Variants in PKHD1 observed in about 807,000 individuals in gnomAD.
PKHD1 encodes the protein fibrocystin.
In PKHD1, 291 loss-of-function variants were observed where a neutral mutation model predicts 412.0. That is an observed-to-expected ratio of 0.71 (90% CI 0.64 to 0.78). PKHD1 has a LOEUF of 0.78. Ranked by LOEUF, PKHD1 falls within the 30% of genes least tolerant of loss-of-function variation. PKHD1 has a pLI of 0.00. For synonymous variants in PKHD1, 1,777 were observed against 1,821.5 expected, an observed-to-expected ratio of 0.98 and a Z score of 0.62; for missense variants, 4,825 against 4,950.7, an observed-to-expected ratio of 0.97 and a Z score of 0.76.
chr6:52,031,802 T>C (rs1473954422), intron 29 of PKHD1, among the ~76,000 whole-genome samples: 6 of 152,238 alleles, frequency 3.9e-5, no homozygotes, highest in Non-Finnish European at 7.3e-5. Context: ...CATGCTCCTT[T>C]TTATTCTGCT....
intron 26 of PKHD1, 107 bp downstream of exon 26, chr6:52,043,518 T>TG: frequency 1.3e-6 from 1 of 797,406 alleles, no homozygotes; most frequent in Non-Finnish European, 2.2e-6. Flanking sequence ...CTCTGCCTAA[T>TG]GAACTAATTT....
rs886061593 is a variant in PKHD1, at chr6:51,615,812, G to T, written c.*3269C>A. 6.6e-6 allele frequency: 1 copy of T among 152,152 alleles called. No individual in the cohort carries two copies. Among genetic ancestry groups the T allele is most frequent in the Non-Finnish European group, 1.5e-5 (1 of 68,046 alleles). The allele number at this position is 152,152 out of a possible 1,614,324, so 9.4% of individuals were successfully genotyped here. On this transcript the variant is annotated 3_prime_UTR_variant, in exon 67 of 67. Coordinates refer to ENST00000371117, the MANE Select transcript of PKHD1 (RefSeq NM_138694.4). Reference sequence around the variant, plus strand: ...GCTCAACTGTTCTTGGTCCTTGGTGGCCTCACTGGGCAGTAACAAGGGCAA... The same window carrying T: ...GCTCAACTGTTCTTGGTCCTTGGTGTCCTCACTGGGCAGTAACAAGGGCAA...
At chr6:52,069,577 G>A (rs779981993) in intron 10 of PKHD1, 50 bp from the exon 11 acceptor site, 44 of 1,448,114 alleles carry the variant, frequency 3.0e-5, no homozygotes, top group Non-Finnish European at 8.7e-6. Context: ...AACTGGGATT[G>A]CATTTTTTTT....
chr6:51,906,166 C>T, intron 41 of PKHD1, 49 bp downstream of exon 41: 6 of 1,541,380 alleles, frequency 3.9e-6, no homozygotes, highest in Non-Finnish European at 5.4e-6. Flanking sequence ...TTGTGAAAAA[C>T]TGTGTCCTAC....
At chr6:51,631,656 TG>T (rs1167297079) in intron 65 of PKHD1, among the ~76,000 whole-genome samples, 1 of 152,078 alleles carries the variant, frequency 6.6e-6, no homozygotes, top group African/African-American at 2.4e-5. Flanking sequence ...GGTCTAGGGT[TG>T]GGGGAATGGG....
intron 28 of PKHD1, 26 bp downstream of exon 28, chr6:52,035,561 GAGAA>G: frequency 6.2e-7 from 1 of 1,606,670 alleles, no homozygotes; most frequent in Non-Finnish European, 8.5e-7. Flanking sequence ...CTCACCCAGA[GAGAA>G]AGAGATATGA....
intron 46 of PKHD1, 35 bp from the exon 47 acceptor site, chr6:51,870,674 T>A (rs763906524): frequency 1.3e-6 from 2 of 1,549,974 alleles, no homozygotes; most frequent in East Asian, 4.5e-5. Context: ...GAAAGCAAAA[T>A]AAGAAAACTG....
intron 48 of PKHD1, among the ~76,000 whole-genome samples, chr6:51,865,459 C>A (rs188060891): frequency 4.9e-4 from 74 of 152,230 alleles, no homozygotes; most frequent in African/African-American, 1.7e-3. Flanking sequence ...CAGAAGGTTG[C>A]CAATGTCAAA....
At chr6:51,959,263 A>T (rs1235638286) in intron 36 of PKHD1, among the ~76,000 whole-genome samples, 1 of 152,122 alleles carries the variant, frequency 6.6e-6, no homozygotes, top group East Asian at 1.9e-4. Context: ...GTAGGCCATG[A>T]TTTTTATTCT....
intron 37 of PKHD1, 40 bp downstream of exon 37, chr6:51,934,070 C>T: frequency 6.8e-7 from 1 of 1,467,136 alleles, no homozygotes; most frequent in East Asian, 2.3e-5. Context: ...CTGCTAGACA[C>T]AGCTCTACTT....
rs1802092929 is a variant in PKHD1 at position 52,025,926 on chromosome 6, T to A, written c.3884A>T (p.Tyr1295Phe). 1 of 1,614,164 alleles carries A rather than the reference T, an allele frequency of 6.2e-7. No homozygotes were observed. Among genetic ancestry groups the A allele is most frequent in the Non-Finnish European group, 8.5e-7 (1 of 1,180,046 alleles). The change falls in exon 32 of 67, where the codon TAT becomes TTT. Residue 1295 changes from tyrosine (Y) to phenylalanine (F), a missense_variant. By Grantham distance (22) the Tyr-to-Phe change is conservative (BLOSUM62 3). Coordinates refer to ENST00000371117, the MANE Select transcript of PKHD1 (RefSeq NM_138694.4). ...SLVGKGFTFM[Y>F]EAAATPVVTA... ...GACTACTGGTGTTGCTGCCGCTTCA[T>A]ACATGAAGGTGAAGCCTTTCCCCAC...
chr6:52,028,292 C>T lies in PKHD1; in HGVS notation c.3424G>A (p.Glu1142Lys), dbSNP rs1335835063. 2 of 1,614,116 alleles carry T rather than the reference C, an allele frequency of 1.2e-6. No individual in the cohort carries two copies. The highest frequency in any genetic ancestry group is 1.7e-6 in the Non-Finnish European group (2 of 1,180,010). The change falls in exon 30 of 67, where the codon GAA becomes AAA. Residue 1142 changes from glutamate (E) to lysine (K), a missense_variant. By Grantham distance (56) the Glu-to-Lys change is moderately conservative (BLOSUM62 1). Coordinates refer to ENST00000371117, the MANE Select transcript of PKHD1 (RefSeq NM_138694.4). ...RLMNYTDLDVEVHVQDALAPV... is the reference protein window; with the variant it reads ...RLMNYTDLDVKVHVQDALAPV... Reference sequence around the variant, plus strand: ...GCCAAGGCATCCTGGACGTGGACTTCCACATCCAAATCCGTATAGTTCATC... The same window carrying T: ...GCCAAGGCATCCTGGACGTGGACTTTCACATCCAAATCCGTATAGTTCATC...
At chr6:51,830,625 T>A (rs1768074556) in intron 52 of PKHD1, among the ~76,000 whole-genome samples, 1 of 152,194 alleles carries the variant, frequency 6.6e-6, no homozygotes, top group Admixed American at 6.6e-5. Flanking sequence ...CCTTTCAGCA[T>A]GACAATTACT....
At chr6:51,667,567 A>C (rs1235186897) in intron 60 of PKHD1, among the ~76,000 whole-genome samples, 2 of 151,888 alleles carry the variant, frequency 1.3e-5, no homozygotes, top group African/African-American at 4.8e-5. Context: ...CCATTTGTCC[A>C]TTTTGCCTTT....
chr6:51,978,356 G>A (rs903358530), intron 35 of PKHD1, among the ~76,000 whole-genome samples: 1 of 152,152 alleles, frequency 6.6e-6, no homozygotes, highest in African/African-American at 2.4e-5. Flanking sequence ...ATAAGATAAG[G>A]ACTTCAAAGT....
In PKHD1 at chr6:51,906,148, A is replaced by T. The variant is rs1446452600; in HGVS notation, c.6808+67T>A. ...TAAATTAGGAATTAGAAATTTGGGGAGAATTCATTGTGAAAAACTGTGTCC... is the reference window on the plus strand; with the variant it reads ...TAAATTAGGAATTAGAAATTTGGGGTGAATTCATTGTGAAAAACTGTGTCC... On this transcript the variant is annotated intron_variant, in intron 41 of 66. Coordinates refer to ENST00000371117, the MANE Select transcript of PKHD1 (RefSeq NM_138694.4). 106 of 1,336,524 alleles carry T rather than the reference A, an allele frequency of 7.9e-5. 1 individual carries two copies. Among genetic ancestry groups the T allele is most frequent in the Non-Finnish European group, 8.8e-5 (82 of 931,818 alleles). The allele number at this position is 1,336,524 out of a possible 1,614,324, so 82.8% of individuals were successfully genotyped here. A position where few individuals can be genotyped will look rare whatever the true frequency, so the allele number is the denominator to read the frequency against.
At chr6:51,901,071 G>C (rs9395743) in intron 43 of PKHD1, among the ~76,000 whole-genome samples, 51,336 of 151,232 alleles carry the variant, frequency 0.34, 9,531 homozygotes, top group East Asian at 0.73. Flanking sequence ...CTGTTGGTGG[G>C]ACTGTAAACT....
chr6:51,633,510 C>A (rs915541788), intron 64 of PKHD1, among the ~76,000 whole-genome samples: 1 of 151,390 alleles, frequency 6.6e-6, no homozygotes, highest in Non-Finnish European at 1.5e-5. Context: ...TTTATCTAGA[C>A]AATGAAAAAC....
chr6:51,751,790 T>C (rs1354135203), intron 57 of PKHD1, among the ~76,000 whole-genome samples: 1 of 152,164 alleles, frequency 6.6e-6, no homozygotes, highest in Non-Finnish European at 1.5e-5. Flanking sequence ...AATAGGCAAT[T>C]GTACTATAGA....
Sources: gnomAD v4.1 joint callset for allele counts (sites outside exome capture counted in the v4.1 genomes callset) on GRCh38, gnomAD v4.1.1 for gene constraint, MANE v1.5 for transcripts, NCBI Gene and HGNC (gene_info 2026-07-23, HGNC 2026-07-21) for gene names.